CTNNA2: variants seen among roughly 807,000 people sequenced by gnomAD.
CTNNA2 encodes the protein catenin alpha 2.
A neutral mutation model predicts 101.0 loss-of-function variants in CTNNA2; 42 were observed. That is an observed-to-expected ratio of 0.42 (90% confidence interval 0.32 to 0.54). The LOEUF (loss-of-function observed/expected upper bound fraction) is 0.54, where lower values mean the gene tolerates loss of function less well. CTNNA2 is among the 20% of genes least tolerant of loss of function. The pLI is 0.14. For synonymous variants in CTNNA2, 450 were observed against 456.4 expected, an observed-to-expected ratio of 0.99 and a Z score of 0.18; for missense variants, 871 against 1,223.1, an observed-to-expected ratio of 0.71 and a Z score of 4.29.
intron 13 of CTNNA2, among the ~76,000 whole-genome samples, chr2:80,579,821 T>C (rs1165220320): frequency 2.0e-5 from 3 of 152,192 alleles, no homozygotes; most frequent in African/African-American, 7.2e-5. Flanking sequence ...TAACCACACC[T>C]GATTAATTAC....
At chr2:80,611,469 T>C (rs1243688365) in intron 17 of CTNNA2, among the ~76,000 whole-genome samples, 1 of 151,682 alleles carries the variant, frequency 6.6e-6, no homozygotes. Flanking sequence ...TTAAGCCATA[T>C]ATTTTTTAGT....
chr2:79,876,936 A>G (rs889406648), intron 6 of CTNNA2, among the ~76,000 whole-genome samples: 1 of 152,126 alleles, frequency 6.6e-6, no homozygotes, highest in East Asian at 1.9e-4. Context: ...TTTATAAAAC[A>G]TGATATATTT....
intron 7 of CTNNA2, chr2:80,163,280 T>C (rs927950876): frequency 9.7e-6 from 6 of 621,714 alleles, no homozygotes; most frequent in Non-Finnish European, 1.7e-5. Context: ...GTATCCTTGA[T>C]ATAAACTCCA....
At position 80,440,330 on chromosome 2, in the gene CTNNA2, AT is replaced by A. The variant is rs545917249; in HGVS notation, c.1290+20730del. ...CCTGGACTTCTAAAAAAAAATGACA[AT>A]GTGAACTAGGAGTAGTCTACCTTGA... On this transcript the variant is annotated intron_variant, in intron 9 of 18. Transcript: ENST00000402739. Among the ~76,000 whole-genome samples the A allele has an allele frequency of 4.1e-3, 617 of 152,334 alleles. 2 individuals carry two copies. The highest frequency in any genetic ancestry group is 6.6e-3 in the Non-Finnish European group (451 of 68,040).
At position 80,608,368 on chromosome 2, in the gene CTNNA2, C is replaced by G. The variant is rs750931384; in HGVS notation, c.2430+50C>G. Reference sequence around the variant, plus strand: ...TGTAAAGTTCCCACCGTTGCACTTCCAAGGCAAACATTCTTGGCAACAGTA... The same window carrying G: ...TGTAAAGTTCCCACCGTTGCACTTCGAAGGCAAACATTCTTGGCAACAGTA... On this transcript the variant is annotated intron_variant, in intron 17 of 18. Coordinates refer to ENST00000402739, the MANE Select transcript of CTNNA2 (RefSeq NM_001282597.3). 7.0e-6 allele frequency: 11 copies of G among 1,570,296 alleles called. No individual in the cohort carries two copies. In the East Asian group the frequency reaches 2.0e-4, roughly 29 times the overall value.
chr2:80,361,569 C>T (rs1674405673), intron 7 of CTNNA2, among the ~76,000 whole-genome samples: 1 of 152,050 alleles, frequency 6.6e-6, no homozygotes, highest in African/African-American at 2.4e-5. Context: ...TTGGGTGACA[C>T]ATAGTACCAG....
At chr2:80,612,496 G>T (rs994650221) in intron 17 of CTNNA2, among the ~76,000 whole-genome samples, 2 of 151,546 alleles carry the variant, frequency 1.3e-5, no homozygotes, top group African/African-American at 4.8e-5. Context: ...TAGTGAAGTG[G>T]TCAGGAACTG....
chr2:79,574,117 G>A (rs1675635504), intron 1 of CTNNA2: 1 of 152,548 alleles, frequency 6.6e-6, no homozygotes. Flanking sequence ...AAGTATTGAT[G>A]TCTCACTGTG....
intron 1 of CTNNA2, among the ~76,000 whole-genome samples, chr2:79,520,698 A>G (rs766636409): frequency 6.6e-6 from 1 of 152,208 alleles, no homozygotes; most frequent in Non-Finnish European, 1.5e-5. Flanking sequence ...ATTTCACACA[A>G]GAAAATATAC....
rs760176020 is a variant in CTNNA2 at position 79,759,974 on chromosome 2, G to T, written c.298+15392G>T. On this transcript the variant is annotated intron_variant, in intron 3 of 18. Transcript: ENST00000402739. ...AGCCCTCAGCCATGCTCCAAAGCAG[G>T]TCTTAAAGCTATTCATTTTAAGGCG... is the stretch of plus-strand genomic sequence containing the variant. Among the ~76,000 whole-genome samples the T allele has an allele frequency of 2.0e-5, 3 of 152,092 alleles. No homozygotes were observed. The East Asian group carries it at 5.8e-4, about 29-fold the overall frequency.
intron 6 of CTNNA2, among the ~76,000 whole-genome samples, chr2:79,882,736 T>C (rs1248550695): frequency 6.6e-6 from 1 of 152,162 alleles, no homozygotes; most frequent in African/African-American, 2.4e-5. Flanking sequence ...TGGTCACTAC[T>C]CCCCCTGGGA....
intron 4 of CTNNA2, among the ~76,000 whole-genome samples, chr2:79,390,088 T>TC (rs1454530351): frequency 6.6e-6 from 1 of 152,142 alleles, no homozygotes; most frequent in African/African-American, 2.4e-5. Flanking sequence ...ACTTGGTCAT[T>TC]CCCCATTCTT....
intron 9 of CTNNA2, among the ~76,000 whole-genome samples, chr2:80,433,330 G>A (rs1033964762): frequency 3.9e-5 from 6 of 151,968 alleles, no homozygotes; most frequent in Non-Finnish European, 7.4e-5. Flanking sequence ...TGGGAACCCC[G>A]CCATCTCAGT....
At chr2:79,641,696 T>C (rs1341520758) in intron 1 of CTNNA2, among the ~76,000 whole-genome samples, 1 of 152,184 alleles carries the variant, frequency 6.6e-6, no homozygotes, top group African/African-American at 2.4e-5. Context: ...AAACAACCCA[T>C]AATTTAGGAG....
chr2:79,318,245 A>G (rs1022732013), intron 3 of CTNNA2, among the ~76,000 whole-genome samples: 1 of 152,250 alleles, frequency 6.6e-6, no homozygotes. Context: ...CAGATATTGG[A>G]CTTAAGAATG....
intron 3 of CTNNA2, among the ~76,000 whole-genome samples, chr2:79,332,390 GC>G (rs1304210317): frequency 6.6e-6 from 1 of 151,968 alleles, no homozygotes; most frequent in African/African-American, 2.4e-5. Context: ...TAGATAGCTT[GC>G]CCCTTCACCT....
chr2:79,766,404 G>A (rs1673158918), intron 3 of CTNNA2, among the ~76,000 whole-genome samples: 4 of 152,108 alleles, frequency 2.6e-5, no homozygotes, highest in Non-Finnish European at 5.9e-5. Context: ...CAGATGTATT[G>A]GAGCTCCAGT....
chr2:79,336,782 G>A (rs1201022979), intron 3 of CTNNA2, among the ~76,000 whole-genome samples: 1 of 152,130 alleles, frequency 6.6e-6, no homozygotes, highest in African/African-American at 2.4e-5. Flanking sequence ...TGTCGTCAAA[G>A]CTTGATTAAA....
intron 8 of CTNNA2, among the ~76,000 whole-genome samples, chr2:80,398,004 C>T (rs77901210): frequency 0.018 from 2,724 of 152,142 alleles, 81 homozygotes; most frequent in African/African-American, 0.061. Flanking sequence ...ATTGGTGGCA[C>T]GAATGCACTG....
Sources: gnomAD v4.1 joint callset for allele counts (sites outside exome capture counted in the v4.1 genomes callset) on GRCh38, gnomAD v4.1.1 for gene constraint, MANE v1.5 for transcripts, NCBI Gene and HGNC (gene_info 2026-07-23, HGNC 2026-07-21) for gene names.